Variants in SCHIP1 observed in about 807,000 individuals in gnomAD.
SCHIP1 encodes schwannomin interacting protein 1.
A neutral mutation model predicts 29.7 loss-of-function variants in SCHIP1; 8 were observed. That is an observed-to-expected ratio of 0.27 (90% CI 0.16 to 0.49). SCHIP1 has a LOEUF of 0.49. Ranked by LOEUF, SCHIP1 falls within the 20% of genes least tolerant of loss-of-function variation. The probability of loss-of-function intolerance (pLI) is 0.99; values close to 1 mark genes in which losing one functional copy is unlikely to be tolerated. For synonymous variants in SCHIP1, 76 were observed against 94.9 expected, an observed-to-expected ratio of 0.80 and a Z score of 1.16; for missense variants, 193 against 294.6, an observed-to-expected ratio of 0.66 and a Z score of 2.52.
At chr3:159,781,525 A>G in the SCHIP1 span, among the ~76,000 whole-genome samples, 1 of 152,246 alleles carries the variant, frequency 6.6e-6, no homozygotes, top group Admixed American at 6.5e-5. Flanking sequence ...AGCAAAGCAT[A>G]GCACACAAAA....
the SCHIP1 span, among the ~76,000 whole-genome samples, chr3:159,582,452 C>A: frequency 5.3e-5 from 8 of 152,224 alleles, no homozygotes; most frequent in East Asian, 1.5e-3. Flanking sequence ...GATGAGCCAC[C>A]ACACCCAGCC....
the SCHIP1 span, among the ~76,000 whole-genome samples, chr3:159,750,366 G>A: frequency 6.6e-6 from 1 of 150,390 alleles, no homozygotes; most frequent in Non-Finnish European, 1.5e-5. Flanking sequence ...TTGCTTTTCA[G>A]TTTTAATTTT....
At chr3:159,663,633 T>A in the SCHIP1 span, among the ~76,000 whole-genome samples, 1 of 152,218 alleles carries the variant, frequency 6.6e-6, no homozygotes, top group South Asian at 2.1e-4. Context: ...TTTGTGTGTA[T>A]GATACATACA....
the SCHIP1 span, among the ~76,000 whole-genome samples, chr3:159,307,845 CTTGT>C: frequency 1.3e-5 from 2 of 152,102 alleles, no homozygotes; most frequent in African/African-American, 4.8e-5. Flanking sequence ...TTCCCCATTG[CTTGT>C]TTTTGTTGGC....
At chr3:159,753,255 C>G in the SCHIP1 span, among the ~76,000 whole-genome samples, 1 of 152,328 alleles carries the variant, frequency 6.6e-6, no homozygotes, top group South Asian at 2.1e-4. Flanking sequence ...CCCCAGATCT[C>G]TCTGCTAAGC....
the SCHIP1 span, among the ~76,000 whole-genome samples, chr3:159,750,638 G>A: frequency 6.6e-6 from 1 of 152,124 alleles, no homozygotes; most frequent in Non-Finnish European, 1.5e-5. Flanking sequence ...ACACCTGTGT[G>A]TCCTTCACAG....
the SCHIP1 span, among the ~76,000 whole-genome samples, chr3:159,490,026 T>C: frequency 9.8e-5 from 15 of 152,308 alleles, no homozygotes; most frequent in South Asian, 1.2e-3. Context: ...TATATAATTG[T>C]ATATAATTTG....
the SCHIP1 span, among the ~76,000 whole-genome samples, chr3:159,338,683 G>C: frequency 3.3e-5 from 5 of 152,224 alleles, no homozygotes; most frequent in South Asian, 6.2e-4. Flanking sequence ...GATAATAGTG[G>C]CTTGAATCAG....
At chr3:159,876,936 G>A (rs1236757285) in intron 2 of SCHIP1, among the ~76,000 whole-genome samples, 2 of 152,216 alleles carry the variant, frequency 1.3e-5, no homozygotes, top group Admixed American at 1.3e-4. Flanking sequence ...TTGTCAGAAG[G>A]CATGAGTGGA....
the SCHIP1 span, among the ~76,000 whole-genome samples, chr3:159,400,678 C>T: frequency 6.6e-6 from 1 of 152,206 alleles, no homozygotes; most frequent in African/African-American, 2.4e-5. Flanking sequence ...CAGGTTCCTC[C>T]AGCCTCTGAA....
the SCHIP1 span, among the ~76,000 whole-genome samples, chr3:159,313,740 G>A: frequency 1.3e-5 from 2 of 151,616 alleles, no homozygotes; most frequent in African/African-American, 4.8e-5. Context: ...TTCTGTTCTG[G>A]CATCTAATCC....
chr3:159,626,209 T>TAG, the SCHIP1 span, among the ~76,000 whole-genome samples: 3 of 123,814 alleles, frequency 2.4e-5, no homozygotes, highest in African/African-American at 4.6e-5. Flanking sequence ...GATAGATAGA[T>TAG]ATATCTAGAT....
At chr3:159,626,144 CTAGATATATATATATATCTAGATA>C in the SCHIP1 span, among the ~76,000 whole-genome samples, 1,863 of 75,730 alleles carry the variant, frequency 0.025, 196 homozygotes, top group African/African-American at 0.15. Context: ...ATAGATATAT[CTAGATATATATATATATCTAGATA>C]TATCTATCTA....
In SCHIP1 at chr3:159,861,822, A is replaced by G. The variant is rs1344716027; in HGVS notation, c.31-4341A>G. ...CTGCCTGTCATAAGTGCAGCCAGAC[A>G]GTGGTGTTTTGAGTCAGCCTCTTCC... On this transcript the variant is annotated intron_variant, in intron 1 of 6. Transcript: ENST00000445224. The surrounding 1 kb of genome is among the most constrained non-coding windows in gnomAD (Gnocchi z 4.1). Among the ~76,000 whole-genome samples the G allele has an allele frequency of 6.6e-6, 1 of 152,196 alleles. No individual in the cohort carries two copies. The highest frequency in any genetic ancestry group is 2.4e-5 in the African/African-American group (1 of 41,438).
chr3:159,694,202 T>C, the SCHIP1 span, among the ~76,000 whole-genome samples: 1 of 151,526 alleles, frequency 6.6e-6, no homozygotes, highest in Non-Finnish European at 1.5e-5. Flanking sequence ...ATAGAGATTG[T>C]GGGCCAGGTG....
At chr3:159,859,908 C>T (rs1207114551) in intron 1 of SCHIP1, among the ~76,000 whole-genome samples, 1 of 152,118 alleles carries the variant, frequency 6.6e-6, no homozygotes, top group Non-Finnish European at 1.5e-5. Context: ...ACTTACAAGC[C>T]CTCCAGGTAA....
chr3:159,495,432 CA>C, the SCHIP1 span, among the ~76,000 whole-genome samples: 3 of 152,154 alleles, frequency 2.0e-5, no homozygotes, highest in South Asian at 6.2e-4. Context: ...AATCAATGTG[CA>C]AAAATCACAA....
the SCHIP1 span, among the ~76,000 whole-genome samples, chr3:159,715,255 T>A: frequency 6.6e-6 from 1 of 152,092 alleles, no homozygotes; most frequent in Admixed American, 6.5e-5. Flanking sequence ...ATCACCATCA[T>A]CAAAGACCAA....
At chr3:159,415,935 G>A in the SCHIP1 span, among the ~76,000 whole-genome samples, 2 of 152,114 alleles carry the variant, frequency 1.3e-5, no homozygotes, top group Non-Finnish European at 1.5e-5. Context: ...TGCACATGCC[G>A]AAGATCTACT....
Sources: gnomAD v4.1 joint callset for allele counts (sites outside exome capture counted in the v4.1 genomes callset) on GRCh38, gnomAD v4.1.1 for gene constraint, Gnocchi (gnomAD v3.1) non-coding constraint, MANE v1.5 for transcripts, NCBI Gene and HGNC (gene_info 2026-07-23, HGNC 2026-07-21) for gene names.